ZNF420: variants seen among roughly 807,000 people sequenced by gnomAD.
The protein encoded by ZNF420 is ATM and p53-associated KZNF protein.
A neutral mutation model predicts 44.7 loss-of-function variants in ZNF420; 31 were observed. The ratio of observed to expected loss-of-function variants is 0.69; its 90% CI spans 0.52 to 0.94. The LOEUF is 0.94. Ranked by LOEUF, ZNF420 falls within the 40% of genes least tolerant of loss-of-function variation. ZNF420 has a pLI of 0.00. For missense variants in ZNF420, 681 were observed against 827.9 expected, an observed-to-expected ratio of 0.82 and a Z score of 2.18; for synonymous variants, 245 against 267.4, an observed-to-expected ratio of 0.92 and a Z score of 0.82.
chr19:37,102,030 G>A (rs73626571), intron 4 of ZNF420, among the ~76,000 whole-genome samples: 1,997 of 152,174 alleles, frequency 0.013, 47 homozygotes, highest in African/African-American at 0.045. Flanking sequence ...GGGCCCTCTC[G>A]GGATCTGCTG....
At chr19:37,051,330 G>A (rs761986221) in intron 1 of ZNF420, among the ~76,000 whole-genome samples, 9 of 152,130 alleles carry the variant, frequency 5.9e-5, no homozygotes, top group Non-Finnish European at 1.3e-4. Flanking sequence ...GTAGAATTTG[G>A]CTGTGAATCC....
chr19:37,103,692 C>G (rs1969905583), intron 4 of ZNF420, among the ~76,000 whole-genome samples: 1 of 152,184 alleles, frequency 6.6e-6, no homozygotes, highest in Non-Finnish European at 1.5e-5. Flanking sequence ...CCAGTACCCT[C>G]ACTTGTATAC....
At chr19:37,045,977 G>A (rs962302026) in intron 1 of ZNF420, among the ~76,000 whole-genome samples, 2 of 152,200 alleles carry the variant, frequency 1.3e-5, no homozygotes, top group Non-Finnish European at 2.9e-5. Flanking sequence ...GAGAAAATGA[G>A]GAGGAAGCCA....
chr19:37,034,475 A>C (rs1211039567), intron 1 of ZNF420, among the ~76,000 whole-genome samples: 1 of 152,140 alleles, frequency 6.6e-6, no homozygotes, highest in Non-Finnish European at 1.5e-5. Context: ...TGATTGCACA[A>C]AAGTTTTAAA....
rs145387524 is a variant in ZNF420 at position 37,015,727 on chromosome 19, A to G, written c.-125+7645A>G. On this transcript the variant is annotated intron_variant, in intron 1 of 4. Transcript: ENST00000587029. ...TCATTCTCCCCTTCCTCTTCACTGC[A>G]TAACCTGTCCACACCATGGCCTGGT... is the stretch of plus-strand genomic sequence containing the variant. Among the ~76,000 whole-genome samples the G allele has an allele frequency of 4.2e-3, 635 of 152,308 alleles. 5 individuals are homozygous for G. Among genetic ancestry groups the G allele is most frequent in the African/African-American group, 0.014 (573 of 41,570 alleles).
At position 37,062,067 on chromosome 19, in the gene ZNF420, T is replaced by C. The variant is rs1358536598; in HGVS notation, c.-124-18278T>C. ...CACACAGAAAGTAGTGGAATGAGAA[T>C]TGAAATCTACATCTTATAACCTCTA... On this transcript the variant is annotated intron_variant, in intron 1 of 4. Transcript: ENST00000587029. Among the ~76,000 whole-genome samples the C allele has an allele frequency of 2.6e-5, 4 of 152,340 alleles. No homozygotes were observed. In the Middle Eastern group the frequency reaches 0.01, roughly 389 times the overall value.
chr19:37,115,727 T>C (rs1320105965), intron 4 of ZNF420, among the ~76,000 whole-genome samples: 1 of 151,896 alleles, frequency 6.6e-6, no homozygotes, highest in African/African-American at 2.4e-5. Flanking sequence ...TTACTAATCC[T>C]CCTCAGCACA....
chr19:37,022,801 A>T (rs56037636), intron 1 of ZNF420, among the ~76,000 whole-genome samples: 29,186 of 152,062 alleles, frequency 0.19, 2,956 homozygotes, highest in South Asian at 0.24. Context: ...CCCCAATATC[A>T]TATTGGCTGT....
At position 37,032,822 on chromosome 19, in the gene ZNF420, G is replaced by C. The variant is rs1053670542; in HGVS notation, c.-125+24740G>C. 2.0e-5 allele frequency among the ~76,000 whole-genome samples: 3 copies of C among 152,170 alleles called. No homozygotes were observed. In the South Asian group the frequency reaches 6.2e-4, roughly 32 times the overall value. ...AAGACATAAAACTGCACAGAGATTG[G>C]ACCTAGAGCAGCAGGAGGTGGTATA... On this transcript the variant is annotated intron_variant, in intron 1 of 4. Transcript: ENST00000587029.
At chr19:37,087,296 AATAAATAAATAAAT>A (rs1568446917) in intron 2 of ZNF420, among the ~76,000 whole-genome samples, 9 of 123,186 alleles carry the variant, frequency 7.3e-5, no homozygotes, top group Non-Finnish European at 1.3e-4. Flanking sequence ...AAAAAAAATA[AATAAATAAATAAAT>A]AAATAAATAA....
chr19:37,013,734 C>A (rs1380000181), intron 1 of ZNF420, among the ~76,000 whole-genome samples: 1 of 152,210 alleles, frequency 6.6e-6, no homozygotes, highest in East Asian at 1.9e-4. Flanking sequence ...ATTGACTCAT[C>A]AGCCCACTGC....
chr19:37,064,687 C>T lies in ZNF420; in HGVS notation c.-124-15658C>T, dbSNP rs535843855. ...CGCCATACTCTCCCTGGATAGATACCTCCTCATTGTGCTCAAGCTACAGTG... is the reference window on the plus strand; with the variant it reads ...CGCCATACTCTCCCTGGATAGATACTTCCTCATTGTGCTCAAGCTACAGTG... On this transcript the variant is annotated intron_variant, in intron 1 of 4. Coordinates refer to the ZNF420 transcript ENST00000587029. Among the ~76,000 whole-genome samples the T allele has an allele frequency of 3.9e-5, 6 of 152,322 alleles. No individual in the cohort carries two copies. The South Asian group carries it at 8.3e-4, about 21-fold the overall frequency.
At position 37,071,469 on chromosome 19, in the gene ZNF420, G is replaced by T. The variant is rs142213263; in HGVS notation, c.-124-8876G>T. Among the ~76,000 whole-genome samples the T allele has an allele frequency of 2.1e-3, 313 of 152,278 alleles. 3 individuals are homozygous for T. The highest frequency in any genetic ancestry group is 7.1e-3 in the African/African-American group (296 of 41,574). ...GTCTGAAGGAAAAGGGGATAGAAAT[G>T]GGAATAGATGTCTAGGAGTCTTCAA... On this transcript the variant is annotated intron_variant, in intron 1 of 4. Transcript: ENST00000587029.
rs774599755 is a variant in ZNF420 at position 37,128,467 on chromosome 19, A to G, written c.1476A>G (p.Gln492=). ...KSFIRGSQLT[Q]HQRIHTGEKP... is the part of the protein sequence containing the mutation. Reference sequence around the variant, plus strand: ...TTATTCGTGGTTCCCAGCTTACTCAACATCAGAGAATCCATACTGGTGAGA... The same window carrying G: ...TTATTCGTGGTTCCCAGCTTACTCAGCATCAGAGAATCCATACTGGTGAGA... The change falls in exon 5 of 5, where the codon CAA becomes CAG. Residue 492 remains glutamine, a synonymous_variant. Transcript: ENST00000337995. The G allele has an allele frequency of 1.9e-6, 3 of 1,614,158 alleles. No individual in the cohort carries two copies. Among genetic ancestry groups the G allele is most frequent in the South Asian group, 1.1e-5 (1 of 91,090 alleles).
chr19:37,069,762 C>T (rs2146452545), intron 1 of ZNF420, among the ~76,000 whole-genome samples: 1 of 152,132 alleles, frequency 6.6e-6, no homozygotes, highest in East Asian at 1.9e-4. Flanking sequence ...AAGTTGGAGA[C>T]TGACTGTATA....
At chr19:37,111,442 T>C (rs1970382766) in intron 4 of ZNF420, 1 of 152,216 alleles carries the variant, frequency 6.6e-6, no homozygotes, top group Non-Finnish European at 1.5e-5. Flanking sequence ...TTATTTCTAT[T>C]TTTTGTGGCT....
At chr19:37,051,452 G>A (rs1335816759) in intron 1 of ZNF420, among the ~76,000 whole-genome samples, 2 of 152,048 alleles carry the variant, frequency 1.3e-5, no homozygotes, top group African/African-American at 4.8e-5. Context: ...GTCTTGGGAG[G>A]GCGTATGTGT....
intron 3 of ZNF420, 127 bp downstream of exon 3, chr19:37,089,254 C>A: frequency 1.2e-6 from 1 of 825,852 alleles, no homozygotes; most frequent in South Asian, 1.4e-5. Context: ...TCAGTTTGTC[C>A]CATTCTGATA....
intron 1 of ZNF420, among the ~76,000 whole-genome samples, chr19:37,033,817 C>T (rs1255123621): frequency 6.6e-6 from 1 of 152,174 alleles, no homozygotes; most frequent in Non-Finnish European, 1.5e-5. Context: ...AGTTCAGTGG[C>T]ATGATCTCAG....
Sources: allele counts gnomAD v4.1 joint callset (sites outside exome capture counted in the v4.1 genomes callset), GRCh38; gene constraint gnomAD v4.1.1; transcripts MANE v1.5; gene names NCBI Gene and HGNC (gene_info 2026-07-23, HGNC 2026-07-21).